The following CPT1A variants were observed in gnomAD, a reference collection of about 807,000 sequenced individuals.
CPT1A encodes carnitine O-palmitoyltransferase 1, liver isoform.
CPT1A carries 64 observed loss-of-function variants against 100.8 expected under a neutral mutation model. That is an observed-to-expected ratio of 0.63 (90% confidence interval 0.52 to 0.78). The LOEUF (loss-of-function observed/expected upper bound fraction) is 0.78. CPT1A is among the 30% of genes least tolerant of loss of function. CPT1A has a pLI of 0.00. For synonymous variants in CPT1A, 363 were observed against 396.0 expected (o/e 0.92, Z 0.99); for missense variants, 802 against 1,034.1 (o/e 0.78, Z 3.08).
At chr11:68,801,170 C>T (rs545765370) in intron 5 of CPT1A, among the ~76,000 whole-genome samples, 5 of 152,186 alleles carry the variant, frequency 3.3e-5, no homozygotes, top group South Asian at 2.1e-4. Context: ...GTAAAATGCC[C>T]GTGAATGAGA....
At chr11:68,782,683 C>T (rs964014065) in intron 10 of CPT1A, among the ~76,000 whole-genome samples, 7 of 152,226 alleles carry the variant, frequency 4.6e-5, no homozygotes, top group East Asian at 1.9e-4. Flanking sequence ...CTCCAGGACC[C>T]TCTGCCACTG....
intron 12 of CPT1A, among the ~76,000 whole-genome samples, chr11:68,777,901 C>T (rs559768630): frequency 1.3e-5 from 2 of 152,270 alleles, no homozygotes; most frequent in South Asian, 2.1e-4. Context: ...CTTCTTGCTA[C>T]GTCCAGAGAC....
intron 1 of CPT1A, among the ~76,000 whole-genome samples, chr11:68,839,338 G>A (rs1037217366): frequency 2.6e-5 from 4 of 152,194 alleles, no homozygotes; most frequent in African/African-American, 7.2e-5. Flanking sequence ...CAGCAACTGC[G>A]GCTTCGCGCC....
At chr11:68,776,279 G>A (rs1340631764) in intron 12 of CPT1A, among the ~76,000 whole-genome samples, 1 of 152,120 alleles carries the variant, frequency 6.6e-6, no homozygotes, top group Non-Finnish European at 1.5e-5. Context: ...CATGGCTGTA[G>A]TCCCAGTTAC....
In CPT1A at chr11:68,783,125, G is replaced by T. The variant is rs11228351; in HGVS notation, c.1164-1166C>A. On this transcript the variant is annotated intron_variant, in intron 10 of 18. Coordinates refer to ENST00000265641, the MANE Select transcript of CPT1A (RefSeq NM_001876.4). The stretch of plus-strand genomic sequence containing the variant: ...GATACCGAACAACGCCGGCTTGCCC[G>T]CACACATCCTCCTCCATCCCGCTCC... 3.3e-5 allele frequency among the ~76,000 whole-genome samples: 5 copies of T among 152,038 alleles called. No homozygotes were observed. The East Asian group carries it at 9.7e-4, about 29-fold the overall frequency.
intron 1 of CPT1A, among the ~76,000 whole-genome samples, chr11:68,838,161 C>T (rs1197723209): frequency 2.0e-5 from 3 of 152,106 alleles, no homozygotes; most frequent in South Asian, 2.1e-4. Flanking sequence ...TCCAAGGTGA[C>T]GGTGACCCTC....
chr11:68,817,114 G>GTTGTGTGTGTGTGGTGT, intron 1 of CPT1A, among the ~76,000 whole-genome samples: 1 of 133,558 alleles, frequency 7.5e-6, no homozygotes, highest in South Asian at 2.4e-4. Context: ...TGTGTGTGTG[G>GTTGTGTGTGTGTGGTGT]GTGTGTGGTG....
chr11:68,786,007 C>T (rs1432023777), intron 9 of CPT1A: 1 of 702,310 alleles, frequency 1.4e-6, no homozygotes, highest in Non-Finnish European at 2.6e-6. Context: ...AGTGGGGATG[C>T]ACAGTGACAG....
chr11:68,782,902 G>A (rs1426494173), intron 10 of CPT1A, among the ~76,000 whole-genome samples: 1 of 152,180 alleles, frequency 6.6e-6, no homozygotes, highest in Admixed American at 6.5e-5. Flanking sequence ...TGCTGATCTG[G>A]CCCTATCCAG....
chr11:68,839,651 G>T, intron 1 of CPT1A: 1 of 985,492 alleles, frequency 1.0e-6, no homozygotes, highest in Non-Finnish European at 1.2e-6. Flanking sequence ...AGCCAGAAAC[G>T]CAGGCACCGC....
downstream of CPT1A, chr11:68,754,767 G>T (rs1423565428): frequency 1.3e-6 from 1 of 779,672 alleles, no homozygotes; most frequent in Admixed American, 1.7e-5. Flanking sequence ...TGATGTCCAT[G>T]GTCTCCTCCA....
intron 1 of CPT1A, 123 bp from the exon 2 acceptor site, chr11:68,815,610 C>G: frequency 1.0e-6 from 1 of 972,976 alleles, no homozygotes; most frequent in African/African-American, 1.6e-5. Context: ...AGATTTAATA[C>G]TTTTCATCAA....
intron 12 of CPT1A, 28 bp downstream of exon 12, chr11:68,780,611 AC>A: frequency 6.3e-7 from 1 of 1,593,886 alleles, no homozygotes; most frequent in Non-Finnish European, 8.6e-7. Flanking sequence ...AGCAACTTCC[AC>A]ATTCAAGTGA....
At chr11:68,798,595 G>A (rs1238870299) in intron 6 of CPT1A, among the ~76,000 whole-genome samples, 1 of 148,960 alleles carries the variant, frequency 6.7e-6, no homozygotes, top group Non-Finnish European at 1.5e-5. Flanking sequence ...TGGAGGAGAT[G>A]CTCCTGGGAC....
rs554525176 is a variant in CPT1A, at chr11:68,780,661, C to G, written c.1437G>C (p.Pro479=). The change falls in exon 12 of 19, where the codon CCG becomes CCC. Residue 479 remains proline, a synonymous_variant. Transcript: ENST00000265641. ...TCACCTCCCAAAGGTGGGCCACGATCGGCGCATCTGCCCAGGAGTGTTCAG... is the reference window on the plus strand; with the variant it reads ...TCACCTCCCAAAGGTGGGCCACGATGGGCGCATCTGCCCAGGAGTGTTCAG... ...LNAEHSWADA[P]IVAHLWEYVM... is the part of the protein sequence containing the mutation. 1 of 1,614,032 alleles carries G rather than the reference C, an allele frequency of 6.2e-7. No homozygotes were observed. Among genetic ancestry groups the G allele is most frequent in the Non-Finnish European group, 8.5e-7 (1 of 1,179,994 alleles).
chr11:68,811,730 G>GA (rs1212921771), intron 3 of CPT1A, among the ~76,000 whole-genome samples: 1 of 152,190 alleles, frequency 6.6e-6, no homozygotes, highest in Non-Finnish European at 1.5e-5. Flanking sequence ...TGCAGGCTCT[G>GA]ACCTTCCTAG....
chr11:68,799,737 C>G (rs538429367), intron 5 of CPT1A, among the ~76,000 whole-genome samples: 1 of 151,224 alleles, frequency 6.6e-6, no homozygotes, highest in African/African-American at 2.4e-5. Flanking sequence ...GCCTGGGCAA[C>G]AGAGTGAGAC....
chr11:68,766,735 G>T (rs4930609), intron 14 of CPT1A, among the ~76,000 whole-genome samples: 120,670 of 151,370 alleles, frequency 0.8, 48,537 homozygotes, highest in East Asian at 0.88. Flanking sequence ...TGATCCATCC[G>T]CCTCGGCCTC....
intron 1 of CPT1A, among the ~76,000 whole-genome samples, chr11:68,821,222 G>A (rs1217294702): frequency 6.6e-6 from 1 of 152,082 alleles, no homozygotes; most frequent in East Asian, 1.9e-4. Flanking sequence ...GCACAGTCTC[G>A]GCTCACTGCA....
Sources: gnomAD v4.1 joint callset for allele counts (sites outside exome capture counted in the v4.1 genomes callset) on GRCh38, gnomAD v4.1.1 for gene constraint, MANE v1.5 for transcripts, NCBI Gene and HGNC (gene_info 2026-07-23, HGNC 2026-07-21) for gene names.